The following RIMS2 variants were observed in gnomAD, a reference collection of about 807,000 sequenced individuals.
RIMS2 encodes the protein regulating synaptic membrane exocytosis protein 2.
A neutral mutation model predicts 174.4 loss-of-function variants in RIMS2; 59 were observed. The ratio of observed to expected loss-of-function variants is 0.34; its 90% confidence interval spans 0.27 to 0.42. The LOEUF (loss-of-function observed/expected upper bound fraction) is 0.42, where lower values mean the gene tolerates loss of function less well. Ranked by LOEUF, RIMS2 falls within the 10% of genes least tolerant of loss-of-function variation. The probability of loss-of-function intolerance (pLI) is 1.00; values close to 1 mark genes in which losing one functional copy is unlikely to be tolerated. For missense variants in RIMS2, 1,620 were observed against 1,666.3 expected (o/e 0.97, Z 0.48); for synonymous variants, 606 against 572.5 (o/e 1.06, Z -0.84).
intron 3 of RIMS2, among the ~76,000 whole-genome samples, chr8:103,836,165 T>G (rs1326560391): frequency 3.9e-5 from 6 of 152,204 alleles, no homozygotes; most frequent in Non-Finnish European, 8.8e-5. Context: ...ATTGATCAAT[T>G]GATTCTTCAA....
intron 1 of RIMS2, among the ~76,000 whole-genome samples, chr8:103,608,588 G>A (rs1330004574): frequency 5.4e-5 from 8 of 148,142 alleles, no homozygotes; most frequent in Non-Finnish European, 1.0e-4. Context: ...CCCTCCCCCA[G>A]CCTCGCTGCC....
chr8:104,222,839 T>C (rs2099161658), intron 19 of RIMS2, among the ~76,000 whole-genome samples: 1 of 152,212 alleles, frequency 6.6e-6, no homozygotes, highest in Non-Finnish European at 1.5e-5. Context: ...TTAAAACAAT[T>C]TGATAGACAT....
In RIMS2 at chr8:103,625,167, G is replaced by A. The variant is rs1292102856; in HGVS notation, c.177-71919G>A. Among the ~76,000 whole-genome samples, 9 of 148,164 alleles carry A rather than the reference G, an allele frequency of 6.1e-5. No individual in the cohort carries two copies. In the East Asian group the frequency reaches 1.7e-3, roughly 29 times the overall value. On this transcript the variant is annotated intron_variant, in intron 1 of 23. Transcript: ENST00000504942. The stretch of plus-strand genomic sequence containing the variant: ...TGGGGCAGGGGTGTTTGTTTATTTT[G>A]CAGTATAATGCAACCTTTTTTTTTT...
At chr8:103,954,780 C>T (rs796422485) in intron 14 of RIMS2, among the ~76,000 whole-genome samples, 7 of 151,596 alleles carry the variant, frequency 4.6e-5, no homozygotes, top group Non-Finnish European at 8.8e-5. Context: ...GACAGAGACA[C>T]GAAAAAACAT....
At chr8:103,911,856 T>C (rs1216093302) in intron 5 of RIMS2, among the ~76,000 whole-genome samples, 197 bp from the exon 9 acceptor site, 1 of 152,168 alleles carries the variant, frequency 6.6e-6, no homozygotes, top group African/African-American at 2.4e-5. Context: ...TTTGAGATTA[T>C]ATTGAGGTTA....
intron 5 of RIMS2, among the ~76,000 whole-genome samples, chr8:103,910,950 T>G (rs1026437500): frequency 2.6e-5 from 4 of 152,216 alleles, no homozygotes; most frequent in African/African-American, 9.6e-5. Flanking sequence ...GGGAGATAAT[T>G]GGGTCTGTTT....
chr8:103,698,945 C>T lies in RIMS2; in HGVS notation c.387+1649C>T, dbSNP rs375690934. On this transcript the variant is annotated intron_variant, in intron 2 of 23. Transcript: ENST00000504942. ...ACATTTTGGAAGAGATTGTGTAGAA[C>T]TGGTAGATTACACCAGTGAAGCCAT... 8.5e-5 allele frequency among the ~76,000 whole-genome samples: 13 copies of T among 152,252 alleles called. No homozygotes were observed. The South Asian group carries it at 1.7e-3, about 19-fold the overall frequency.
chr8:103,592,349 G>A (rs893349978), intron 1 of RIMS2, among the ~76,000 whole-genome samples: 6 of 150,946 alleles, frequency 4.0e-5, no homozygotes, highest in Non-Finnish European at 8.9e-5. Flanking sequence ...GTTTATTATT[G>A]ATAGTTTGAT....
intron 3 of RIMS2, among the ~76,000 whole-genome samples, chr8:103,794,368 C>T (rs1274958049): frequency 6.6e-6 from 1 of 152,200 alleles, no homozygotes; most frequent in Non-Finnish European, 1.5e-5. Flanking sequence ...GCTGGGAAAA[C>T]TGGCTAGCCA....
intron 3 of RIMS2, among the ~76,000 whole-genome samples, chr8:103,785,598 C>A (rs934461004): frequency 6.6e-6 from 1 of 152,078 alleles, no homozygotes; most frequent in Non-Finnish European, 1.5e-5. Context: ...ATTGAGCCAG[C>A]CTTGCATCCC....
At chr8:104,251,497 T>C (rs2099359077) in intron 23 of RIMS2, 105 bp from the exon 30 acceptor site, 1 of 707,444 alleles carries the variant, frequency 1.4e-6, no homozygotes, top group South Asian at 1.7e-5. Context: ...TGATCTTTGA[T>C]GTCAGAAAAT....
intron 1 of RIMS2, among the ~76,000 whole-genome samples, chr8:103,659,252 T>A (rs1348765843): frequency 1.3e-5 from 2 of 152,114 alleles, no homozygotes; most frequent in African/African-American, 2.4e-5. Context: ...ACTCTGGCAC[T>A]ACCACGGGCT....
chr8:103,942,910 A>G, exon 14 of RIMS2: 1 of 1,605,660 alleles, frequency 6.2e-7, no homozygotes. Context: ...GAGAGAGCCC[A>G]ACACGGAGGT....
In RIMS2 at chr8:104,093,643, G is replaced by A. The variant is rs1400031356; in HGVS notation, c.3334+79028G>A. On this transcript the variant is annotated intron_variant, in intron 19 of 23. Transcript: ENST00000504942. ...CGCCCAGGAGGAAACAAGAAAATCA[G>A]GTAAGGGGATTTCAACAACAAACTT... 1.3e-6 allele frequency: 2 copies of A among 1,589,096 alleles called. 1 individual carries two copies. The highest frequency in any genetic ancestry group is 2.2e-5 in the South Asian group (2 of 89,714).
intron 3 of RIMS2, among the ~76,000 whole-genome samples, chr8:103,831,168 T>C (rs1250431614): frequency 2.0e-5 from 3 of 152,230 alleles, no homozygotes; most frequent in Non-Finnish European, 4.4e-5. Flanking sequence ...TCTCTTTTCC[T>C]TGGTATTACT....
intron 19 of RIMS2, among the ~76,000 whole-genome samples, chr8:104,133,735 T>G (rs1031410688): frequency 6.6e-6 from 1 of 152,158 alleles, no homozygotes; most frequent in Non-Finnish European, 1.5e-5. Flanking sequence ...TAATATATTT[T>G]AGAGATAGAA....
chr8:103,945,328 A>G (rs2083459116), intron 14 of RIMS2, among the ~76,000 whole-genome samples: 1 of 152,146 alleles, frequency 6.6e-6, no homozygotes, highest in Admixed American at 6.5e-5. Flanking sequence ...TCCCACAAAG[A>G]AAAACCTAGG....
intron 19 of RIMS2, among the ~76,000 whole-genome samples, chr8:104,194,897 C>T (rs1300757544): frequency 1.3e-5 from 2 of 152,068 alleles, no homozygotes; most frequent in African/African-American, 4.8e-5. Context: ...GATTTAAGAA[C>T]CTCTGATATG....
intron 2 of RIMS2, 58 bp from the exon 6 acceptor site, chr8:103,766,169 T>A: frequency 1.6e-6 from 2 of 1,261,454 alleles, no homozygotes; most frequent in Non-Finnish European, 2.2e-6. Flanking sequence ...TTGTCTCTTT[T>A]TATTTGTTTT....
Sources: allele counts gnomAD v4.1 joint callset (sites outside exome capture counted in the v4.1 genomes callset), GRCh38; gene constraint gnomAD v4.1.1; transcripts MANE v1.5; gene names NCBI Gene and HGNC (gene_info 2026-07-23, HGNC 2026-07-21).